Variants in RNF220 observed in about 807,000 individuals in gnomAD.
RNF220 encodes E3 ubiquitin-protein ligase RNF220.
Under a neutral mutation model 67.1 loss-of-function variants are expected in RNF220, and 7 were observed. The ratio of observed to expected loss-of-function variants is 0.10; its 90% CI spans 0.06 to 0.20. RNF220 has a LOEUF of 0.20. Among genes scored for constraint, RNF220 ranks in the 10% least tolerant of loss-of-function variants. RNF220 has a pLI of 1.00. For missense variants in RNF220, 565 were observed against 740.3 expected, an observed-to-expected ratio of 0.76 and a Z score of 2.75; for synonymous variants, 270 against 283.2, an observed-to-expected ratio of 0.95 and a Z score of 0.47.
chr1:44,430,300 A>G (rs950923910), intron 2 of RNF220, among the ~76,000 whole-genome samples: 8 of 152,030 alleles, frequency 5.3e-5, no homozygotes, highest in African/African-American at 1.9e-4. Flanking sequence ...TTAGTTTATG[A>G]TTTTAAAAAG....
In RNF220 at chr1:44,600,197, G is replaced by C. The variant is rs1316426442; in HGVS notation, c.626-13968G>C. Among the ~76,000 whole-genome samples the C allele has an allele frequency of 1.3e-5, 2 of 152,204 alleles. No homozygotes were observed. Among genetic ancestry groups the C allele is most frequent in the Admixed American group, 6.5e-5 (1 of 15,288 alleles). On this transcript the variant is annotated intron_variant, in intron 2 of 14. Transcript: ENST00000361799. The surrounding 1 kb of genome is among the most constrained non-coding windows in gnomAD (Gnocchi z 4.0). Reference sequence around the variant, plus strand: ...GGAGGGCAGGTCTAGAGGAAGGTAAGTCCCATCTCAGACATGTTGAGCTTA... The same window carrying C: ...GGAGGGCAGGTCTAGAGGAAGGTAACTCCCATCTCAGACATGTTGAGCTTA...
intron 2 of RNF220, among the ~76,000 whole-genome samples, chr1:44,492,056 GAA>G (rs963163612): frequency 1.3e-5 from 2 of 152,158 alleles, no homozygotes; most frequent in Non-Finnish European, 2.9e-5. Flanking sequence ...AGATTGGAAA[GAA>G]AGAAGTAAAG....
intron 2 of RNF220, among the ~76,000 whole-genome samples, chr1:44,611,122 CAG>C (rs1026243265): frequency 3.9e-5 from 6 of 152,172 alleles, no homozygotes; most frequent in Admixed American, 2.6e-4. Context: ...GGAGGGGACA[CAG>C]GGGGCCCATG....
chr1:44,646,461 G>A (rs976924840), intron 12 of RNF220, among the ~76,000 whole-genome samples: 7 of 152,260 alleles, frequency 4.6e-5, no homozygotes, highest in African/African-American at 1.7e-4. Flanking sequence ...CCGTGTCAGC[G>A]CCGGAGCGGG....
intron 2 of RNF220, among the ~76,000 whole-genome samples, chr1:44,472,941 T>A (rs922036902): frequency 1.2e-4 from 19 of 152,184 alleles, no homozygotes; most frequent in Non-Finnish European, 2.6e-4. Flanking sequence ...CAGCACTCAC[T>A]TTGCCCTAAC....
chr1:44,524,111 T>A (rs1179781355), intron 2 of RNF220, among the ~76,000 whole-genome samples: 1 of 140,706 alleles, frequency 7.1e-6, no homozygotes, highest in East Asian at 2.2e-4. Flanking sequence ...AATGGGGGGA[T>A]GCTGGAGGGG....
chr1:44,558,453 A>G (rs548307724), intron 2 of RNF220, among the ~76,000 whole-genome samples: 2 of 152,048 alleles, frequency 1.3e-5, no homozygotes, highest in African/African-American at 2.4e-5. Flanking sequence ...ACCTTCAAAG[A>G]CCTCCTAGTA....
intron 8 of RNF220, 114 bp downstream of exon 8, chr1:44,636,276 C>A: frequency 7.3e-7 from 1 of 1,367,098 alleles, no homozygotes; most frequent in Non-Finnish European, 1.0e-6. Flanking sequence ...TCCGTTCCAC[C>A]ACGTGGGGAC....
rs546131339 is a variant in RNF220 at position 44,586,211 on chromosome 1, G to A, written c.626-27954G>A. On this transcript the variant is annotated intron_variant, in intron 2 of 14. Coordinates refer to ENST00000361799, the MANE Select transcript of RNF220 (RefSeq NM_018150.4). ...TCTGACTTAACATGTTTCACTGGAG[G>A]TGACAATGGAGAGTCCAAATGGACA... is the stretch of plus-strand genomic sequence containing the variant. 2.2e-4 allele frequency among the ~76,000 whole-genome samples: 34 copies of A among 152,320 alleles called. No homozygotes were observed. In the South Asian group the frequency reaches 6.0e-3, roughly 27 times the overall value.
intron 2 of RNF220, among the ~76,000 whole-genome samples, chr1:44,608,112 A>G (rs928515424): frequency 2.6e-5 from 4 of 151,806 alleles, no homozygotes; most frequent in African/African-American, 9.7e-5. Context: ...TTTTGTAGAG[A>G]TAGGGTCTAA....
chr1:44,553,704 T>C (rs1662851882), intron 2 of RNF220, among the ~76,000 whole-genome samples: 1 of 152,176 alleles, frequency 6.6e-6, no homozygotes, highest in Admixed American at 6.5e-5. Context: ...GTCCAGTTAG[T>C]GTCCCATCTC....
intron 2 of RNF220, among the ~76,000 whole-genome samples, chr1:44,503,197 G>A (rs1252017447): frequency 2.6e-5 from 4 of 152,006 alleles, no homozygotes; most frequent in Admixed American, 6.6e-5. Context: ...AGCTGGGTAT[G>A]GTGGCACATG....
Position 44,531,503 on chromosome 1 carries a change from G to T in RNF220, c.626-82662G>T, listed in dbSNP as rs983588536. Among the ~76,000 whole-genome samples, 5 of 152,156 alleles carry T rather than the reference G, an allele frequency of 3.3e-5. No homozygotes were observed. In the East Asian group the frequency reaches 9.6e-4, roughly 29 times the overall value. ...AGCTCTTTGCCAGTTAACCCCATTA[G>T]ACTGTAAGAGCACAGAGGCCAAAGT... On this transcript the variant is annotated intron_variant, in intron 2 of 14. Transcript: ENST00000361799.
At chr1:44,551,114 C>T (rs1356920318) in intron 2 of RNF220, among the ~76,000 whole-genome samples, 2 of 124,314 alleles carry the variant, frequency 1.6e-5, no homozygotes, top group Admixed American at 9.7e-5. Context: ...ATCTTCACTT[C>T]TTGCCTTTTT....
intron 2 of RNF220, among the ~76,000 whole-genome samples, chr1:44,440,528 G>A (rs1417370): frequency 0.53 from 80,698 of 152,070 alleles, 22,781 homozygotes; most frequent in Admixed American, 0.64. Context: ...AGCCCTGCAG[G>A]TAGACATTGT....
chr1:44,551,420 T>C (rs1662625443), intron 2 of RNF220, among the ~76,000 whole-genome samples: 1 of 151,506 alleles, frequency 6.6e-6, no homozygotes, highest in East Asian at 1.9e-4. Flanking sequence ...CGGCCATTTT[T>C]TTTGTTATTA....
At chr1:44,511,850 T>C (rs547474693) in intron 2 of RNF220, among the ~76,000 whole-genome samples, 116 of 151,682 alleles carry the variant, frequency 7.6e-4, no homozygotes, top group Non-Finnish European at 1.4e-3. Flanking sequence ...TGGAACTAGA[T>C]ACAATGAAAG....
At chr1:44,615,733 G>C (rs560023663) in intron 3 of RNF220, among the ~76,000 whole-genome samples, 32 of 152,306 alleles carry the variant, frequency 2.1e-4, no homozygotes, top group African/African-American at 6.5e-4. Flanking sequence ...AGCAAAGAAG[G>C]CTTCCTCAGA....
chr1:44,641,096 G>A (rs1023492067), intron 8 of RNF220, among the ~76,000 whole-genome samples: 10 of 152,148 alleles, frequency 6.6e-5, no homozygotes. Context: ...GTTTATGGGA[G>A]AAGGGTCGTT....
Sources: gnomAD v4.1 joint callset for allele counts (sites outside exome capture counted in the v4.1 genomes callset) on GRCh38, gnomAD v4.1.1 for gene constraint, Gnocchi (gnomAD v3.1) non-coding constraint, MANE v1.5 for transcripts, NCBI Gene and HGNC (gene_info 2026-07-23, HGNC 2026-07-21) for gene names.